The following SASH1 variants were observed in gnomAD, a reference collection of about 807,000 sequenced individuals.
SASH1 encodes the protein SAM and SH3 domain-containing protein 1.
SASH1 carries 44 observed loss-of-function variants against 125.2 expected under a neutral mutation model. The ratio of observed to expected loss-of-function variants is 0.35; its 90% confidence interval spans 0.28 to 0.45. The LOEUF is 0.45. Among genes scored for constraint, SASH1 ranks in the 20% least tolerant of loss-of-function variants. SASH1 has a pLI of 1.00. For synonymous variants in SASH1, 639 were observed against 649.1 expected, an observed-to-expected ratio of 0.98 and a Z score of 0.24; for missense variants, 1,426 against 1,614.5, an observed-to-expected ratio of 0.88 and a Z score of 2.00.
the SASH1 span, among the ~76,000 whole-genome samples, chr6:148,229,975 G>A: frequency 1.3e-5 from 2 of 152,086 alleles, no homozygotes; most frequent in African/African-American, 2.4e-5. Context: ...GCCTCCCAAA[G>A]TGCTGGGATT....
At chr6:148,326,918 C>A (rs1780845814) in intron 1 of SASH1, among the ~76,000 whole-genome samples, 1 of 152,152 alleles carries the variant, frequency 6.6e-6, no homozygotes, top group Non-Finnish European at 1.5e-5. Context: ...CACATCCTGC[C>A]CTCCACACTA....
intron 1 of SASH1, among the ~76,000 whole-genome samples, chr6:148,274,956 G>A (rs1779146061): frequency 6.6e-6 from 1 of 152,044 alleles, no homozygotes; most frequent in African/African-American, 2.4e-5. Flanking sequence ...CCCATATTTG[G>A]ACACCAGGGA....
chr6:148,338,484 C>T (rs555848223), upstream of SASH1, among the ~76,000 whole-genome samples: 1 of 152,098 alleles, frequency 6.6e-6, no homozygotes, highest in South Asian at 2.1e-4. Context: ...GATTCTGCCC[C>T]ATGTAGCTGT....
intron 1 of SASH1, among the ~76,000 whole-genome samples, chr6:148,368,696 G>C (rs1308249132): frequency 6.7e-6 from 1 of 150,110 alleles, no homozygotes; most frequent in Non-Finnish European, 1.5e-5. Flanking sequence ...TAGGTATACA[G>C]ATGCTCAATA....
At chr6:148,525,135 A>C (rs903331182) in intron 10 of SASH1, 156 bp from the exon 11 acceptor site, 1 of 643,030 alleles carries the variant, frequency 1.6e-6, no homozygotes, top group Non-Finnish European at 2.8e-6. Context: ...GACATGACTC[A>C]TGTGTTTTTT....
chr6:148,336,176 CTTTTTTTTTT>C (rs61290611), intron 1 of SASH1, among the ~76,000 whole-genome samples: 22 of 70,762 alleles, frequency 3.1e-4, no homozygotes, highest in African/African-American at 1.2e-3. Context: ...AAACTGCATC[CTTTTTTTTTT>C]TTTTTTTTTT....
chr6:148,377,342 G>A (rs1222377948), intron 1 of SASH1, among the ~76,000 whole-genome samples: 1 of 151,998 alleles, frequency 6.6e-6, no homozygotes, highest in Non-Finnish European at 1.5e-5. Flanking sequence ...TGTGTATTCA[G>A]TGCCCTTCTA....
At chr6:148,391,016 C>T (rs1182469675) in intron 2 of SASH1, among the ~76,000 whole-genome samples, 2 of 151,556 alleles carry the variant, frequency 1.3e-5, no homozygotes, top group Admixed American at 6.6e-5. Flanking sequence ...TAGTCCCTCA[C>T]CTAGCAATAA....
intron 2 of SASH1, among the ~76,000 whole-genome samples, chr6:148,436,376 G>A (rs7761594): frequency 0.14 from 21,087 of 151,854 alleles, 1,547 homozygotes; most frequent in Middle Eastern, 0.21. Flanking sequence ...GCCACCTAGA[G>A]GCATGTGCCT....
chr6:148,537,774 T>TTGTGTGTGTG (rs1173037021), intron 16 of SASH1, among the ~76,000 whole-genome samples: 3 of 110,740 alleles, frequency 2.7e-5, no homozygotes, highest in Admixed American at 1.8e-4. Flanking sequence ...TCTTAGCATA[T>TTGTGTGTGTG]TCTGTGTGTG....
At chr6:148,198,453 G>C in the SASH1 span, among the ~76,000 whole-genome samples, 1 of 152,118 alleles carries the variant, frequency 6.6e-6, no homozygotes, top group Non-Finnish European at 1.5e-5. Context: ...CTGATATTTG[G>C]CTACTTGGCA....
chr6:148,203,424 C>T, the SASH1 span, among the ~76,000 whole-genome samples: 2 of 152,166 alleles, frequency 1.3e-5, no homozygotes, highest in African/African-American at 4.8e-5. Flanking sequence ...ACATTAAATG[C>T]AGCTGACTAC....
chr6:148,304,423 A>T (rs1780063999), intron 1 of SASH1, among the ~76,000 whole-genome samples: 1 of 143,784 alleles, frequency 7.0e-6, no homozygotes, highest in Non-Finnish European at 1.5e-5. Context: ...CGACAGAGTG[A>T]CTCCGTCTCA....
At chr6:148,199,769 AAAAG>A in the SASH1 span, among the ~76,000 whole-genome samples, 6 of 150,446 alleles carry the variant, frequency 4.0e-5, no homozygotes, top group African/African-American at 1.5e-4. Context: ...AAAAGGAAGA[AAAAG>A]AAAGGAAGGA....
chr6:148,287,178 A>G (rs1779502170), intron 1 of SASH1, among the ~76,000 whole-genome samples: 1 of 152,154 alleles, frequency 6.6e-6, no homozygotes, highest in Non-Finnish European at 1.5e-5. Context: ...CAATACCCCA[A>G]GAAGTCAGCT....
At chr6:148,357,398 A>G (rs1002439221) in intron 1 of SASH1, among the ~76,000 whole-genome samples, 3 of 152,162 alleles carry the variant, frequency 2.0e-5, no homozygotes, top group African/African-American at 7.2e-5. Flanking sequence ...GAGCTTATAT[A>G]TCTTTGCACA....
chr6:148,448,115 A>AGAGTGTGTGTGT (rs374141600), intron 4 of SASH1, among the ~76,000 whole-genome samples: 18,916 of 146,686 alleles, frequency 0.13, 1,266 homozygotes, highest in East Asian at 0.23. Context: ...CAGTGGAGAG[A>AGAGTGTGTGTGT]GTGTGTGTGT....
At chr6:148,486,594 T>A (rs1778854920) in intron 7 of SASH1, among the ~76,000 whole-genome samples, 1 of 151,896 alleles carries the variant, frequency 6.6e-6, no homozygotes, top group African/African-American at 2.4e-5. Flanking sequence ...GAAGCCATTT[T>A]GAACAAGACA....
At chr6:148,345,338 T>C (rs924079696) in intron 1 of SASH1, among the ~76,000 whole-genome samples, 31 of 152,182 alleles carry the variant, frequency 2.0e-4, no homozygotes, top group African/African-American at 7.0e-4. Flanking sequence ...AGTTAAAAGA[T>C]GGGGTGGGGC....
Sources: gnomAD v4.1 joint callset for allele counts (sites outside exome capture counted in the v4.1 genomes callset) on GRCh38, gnomAD v4.1.1 for gene constraint, MANE v1.5 for transcripts, NCBI Gene and HGNC (gene_info 2026-07-23, HGNC 2026-07-21) for gene names.